The following PRKRIP1 variants were observed in gnomAD, a reference collection of about 807,000 sequenced individuals.
PRKRIP1 encodes PRKR-interacting protein 1.
In PRKRIP1, 29 loss-of-function variants were observed where a neutral mutation model predicts 29.3. That is an observed-to-expected ratio of 0.99 (90% CI 0.74 to 1.35). The LOEUF (loss-of-function observed/expected upper bound fraction) is 1.35. PRKRIP1 is among the 40% of genes most tolerant of loss of function. The probability of loss-of-function intolerance (pLI) is 0.00; values close to 1 mark genes in which losing one functional copy is unlikely to be tolerated. For missense variants in PRKRIP1, 247 were observed against 236.8 expected, an observed-to-expected ratio of 1.04 and a Z score of -0.28; for synonymous variants, 90 against 85.1, an observed-to-expected ratio of 1.06 and a Z score of -0.32.
chr7:102,396,595 G>A, intron 1 of PRKRIP1, 58 bp downstream of exon 1: 10 of 1,553,402 alleles, frequency 6.4e-6, no homozygotes, highest in Non-Finnish European at 8.7e-6. Flanking sequence ...CCTCTGCAGC[G>A]CTTCAGGGTT....
At position 102,396,421 on chromosome 7, in the gene PRKRIP1, C is replaced by A; in HGVS notation, c.10C>A (p.Pro4Thr). MAS[P>T]AASSVRPPRP... ...AAACTGGAAGGCTGCCATGGCTAGC[C>A]CAGCCGCCTCCTCGGTGCGACCACC... Residue 4 changes from proline to threonine, a missense_variant, in exon 1 of 6, where the codon CCA (proline) becomes ACA (threonine). Coordinates refer to ENST00000397912, the MANE Select transcript of PRKRIP1 (RefSeq NM_024653.4). The A allele has an allele frequency of 6.3e-7, 1 of 1,584,128 alleles. No individual in the cohort carries two copies. Among genetic ancestry groups the A allele is most frequent in the Non-Finnish European group, 8.5e-7 (1 of 1,171,318 alleles).
chr7:102,407,840 G>C (rs1796274304), intron 5 of PRKRIP1, among the ~76,000 whole-genome samples: 1 of 152,194 alleles, frequency 6.6e-6, no homozygotes, highest in African/African-American at 2.4e-5. Flanking sequence ...GCCTGCAGCA[G>C]CTCTCGGGGC....
chr7:102,398,279 G>T (rs1554570713), intron 2 of PRKRIP1, among the ~76,000 whole-genome samples: 2 of 151,540 alleles, frequency 1.3e-5, no homozygotes, highest in South Asian at 2.1e-4. Context: ...TTTTGTTTTT[G>T]TTTTTGTTTT....
chr7:102,404,565 G>C, intron 3 of PRKRIP1, 33 bp from the exon 4 acceptor site: 1 of 1,582,168 alleles, frequency 6.3e-7, no homozygotes, highest in Non-Finnish European at 8.7e-7. Context: ...GCCCAGACCA[G>C]AGCGTGTCTA....
At chr7:102,417,585 G>T (rs1351138066) in intron 5 of PRKRIP1, among the ~76,000 whole-genome samples, 2 of 145,944 alleles carry the variant, frequency 1.4e-5, no homozygotes, top group Non-Finnish European at 3.0e-5. Flanking sequence ...GTTGGCTCCT[G>T]TGTTCCCTTG....
intron 5 of PRKRIP1, among the ~76,000 whole-genome samples, chr7:102,414,102 C>T (rs1231056462): frequency 6.6e-6 from 1 of 152,102 alleles, no homozygotes; most frequent in Non-Finnish European, 1.5e-5. Flanking sequence ...TAGCGTGTAC[C>T]TGTAATCCCA....
At chr7:102,396,592 A>T in intron 1 of PRKRIP1, 55 bp downstream of exon 1, 1 of 1,567,146 alleles carries the variant, frequency 6.4e-7, no homozygotes, top group Non-Finnish European at 8.6e-7. Context: ...CTTCCTCTGC[A>T]GCGCTTCAGG....
At chr7:102,408,335 T>C (rs548704473) in intron 5 of PRKRIP1, among the ~76,000 whole-genome samples, 1 of 152,308 alleles carries the variant, frequency 6.6e-6, no homozygotes, top group East Asian at 1.9e-4. Flanking sequence ...AACAGAACTG[T>C]TGTAACCAAC....
Position 102,425,031 on chromosome 7 carries a change from G to A in PRKRIP1, c.475G>A (p.Glu159Lys), listed in dbSNP as rs782669770. The change falls in exon 6 of 6, where the codon GAG becomes AAG. Residue 159 changes from glutamate (E) to lysine (K), a missense_variant. By Grantham distance (56) the Glu-to-Lys change is moderately conservative. Transcript: ENST00000397912. ...GGTTACAGGACCCGGTCAGCCCAAG[G>A]AGCAGGGGTCCAGCAGCTCTGCGGA... ...KKQEGPGQPK[E>K]QGSSSSAEAS... The A allele has an allele frequency of 6.2e-6, 10 of 1,613,802 alleles. No homozygotes were observed. Among genetic ancestry groups the A allele is most frequent in the Non-Finnish European group, 8.5e-6 (10 of 1,179,936 alleles).
chr7:102,405,890 C>G (rs1796204006), intron 4 of PRKRIP1: 1 of 311,366 alleles, frequency 3.2e-6, no homozygotes, highest in South Asian at 3.3e-5. Context: ...ACGTAAAAAT[C>G]CATGCTCCGG....
chr7:102,410,391 TG>T (rs1156674132), intron 5 of PRKRIP1, among the ~76,000 whole-genome samples: 3 of 152,208 alleles, frequency 2.0e-5, no homozygotes, highest in African/African-American at 7.2e-5. Context: ...CTGTTCACGT[TG>T]AGTGAGCTCA....
At chr7:102,422,164 T>TATC (rs1563624995) in intron 5 of PRKRIP1, among the ~76,000 whole-genome samples, 1 of 140,106 alleles carries the variant, frequency 7.1e-6, no homozygotes, top group African/African-American at 2.8e-5. Flanking sequence ...TTATTATTAT[T>TATC]ATTATTATTA....
At chr7:102,401,369 A>G (rs564947566) in intron 3 of PRKRIP1, among the ~76,000 whole-genome samples, 2 of 152,362 alleles carry the variant, frequency 1.3e-5, no homozygotes, top group South Asian at 4.1e-4. Context: ...TTTAAACCAA[A>G]GAGACAGCCA....
At chr7:102,398,425 C>G (rs1554570737) in intron 2 of PRKRIP1, among the ~76,000 whole-genome samples, 1 of 152,040 alleles carries the variant, frequency 6.6e-6, no homozygotes, top group African/African-American at 2.4e-5. Context: ...GCTAGGACTA[C>G]AGGCCCGTGC....
intron 3 of PRKRIP1, among the ~76,000 whole-genome samples, chr7:102,403,615 G>A (rs1796130006): frequency 6.6e-6 from 1 of 152,192 alleles, no homozygotes; most frequent in Non-Finnish European, 1.5e-5. Flanking sequence ...TCCTGTCTCA[G>A]CCTCCTGAGT....
At chr7:102,406,771 T>G (rs190995190) in intron 4 of PRKRIP1, among the ~76,000 whole-genome samples, 17 of 152,192 alleles carry the variant, frequency 1.1e-4, no homozygotes, top group African/African-American at 4.1e-4. Context: ...TCCACTGCTT[T>G]ACGACCCATT....
intron 5 of PRKRIP1, 134 bp downstream of exon 5, chr7:102,407,632 A>G (rs1397960960): frequency 2.9e-6 from 2 of 683,180 alleles, no homozygotes; most frequent in Non-Finnish European, 5.2e-6. Context: ...GCTTATTCAT[A>G]TTAGCTAGGA....
chr7:102,411,496 T>G (rs1796382311), intron 5 of PRKRIP1, among the ~76,000 whole-genome samples: 1 of 152,134 alleles, frequency 6.6e-6, no homozygotes, highest in African/African-American at 2.4e-5. Context: ...GCAATTCTCC[T>G]GCCTCAGCCT....
At chr7:102,421,989 T>C (rs1480919398) in intron 5 of PRKRIP1, among the ~76,000 whole-genome samples, 5 of 152,034 alleles carry the variant, frequency 3.3e-5, no homozygotes, top group Admixed American at 6.6e-5. Flanking sequence ...TAAGCACTTA[T>C]GTGTGAATAA....
Sources: gnomAD v4.1 joint callset for allele counts (sites outside exome capture counted in the v4.1 genomes callset) on GRCh38, gnomAD v4.1.1 for gene constraint, MANE v1.5 for transcripts, NCBI Gene and HGNC (gene_info 2026-07-23, HGNC 2026-07-21) for gene names.